The following FGF12 variants were observed in gnomAD, a reference collection of about 807,000 sequenced individuals.
FGF12 encodes the protein fibroblast growth factor 12B.
A neutral mutation model predicts 23.6 loss-of-function variants in FGF12; 14 were observed. The ratio of observed to expected loss-of-function variants is 0.59; its 90% CI spans 0.39 to 0.93. FGF12 has a LOEUF of 0.93. Ranked by LOEUF, FGF12 falls within the 40% of genes least tolerant of loss-of-function variation. The probability of loss-of-function intolerance (pLI) is 0.00; values close to 1 mark genes in which losing one functional copy is unlikely to be tolerated. For synonymous variants in FGF12, 62 were observed against 77.3 expected, an observed-to-expected ratio of 0.80 and a Z score of 1.04; for missense variants, 175 against 217.8, an observed-to-expected ratio of 0.80 and a Z score of 1.24.
chr3:192,532,458 T>A (rs1725115927), intron 2 of FGF12, among the ~76,000 whole-genome samples: 1 of 152,314 alleles, frequency 6.6e-6, no homozygotes, highest in African/African-American at 2.4e-5. Context: ...CTTGTAGAGA[T>A]CTTTCACCTA....
At chr3:192,177,548 C>T (rs968112972) in intron 4 of FGF12, among the ~76,000 whole-genome samples, 1 of 152,174 alleles carries the variant, frequency 6.6e-6, no homozygotes, top group African/African-American at 2.4e-5. Flanking sequence ...TTACACGATA[C>T]CATAACCATA....
intron 2 of FGF12, among the ~76,000 whole-genome samples, chr3:192,556,909 C>T (rs1056519333): frequency 6.6e-6 from 1 of 151,826 alleles, no homozygotes; most frequent in Non-Finnish European, 1.5e-5. Flanking sequence ...CTTAAAAATT[C>T]ACAAATATGT....
chr3:192,220,795 A>G (rs1718430092), intron 4 of FGF12, among the ~76,000 whole-genome samples: 1 of 152,206 alleles, frequency 6.6e-6, no homozygotes, highest in Admixed American at 6.5e-5. Flanking sequence ...GTTTTTTAAA[A>G]GTTTCTTTGA....
chr3:192,299,901 T>A (rs1715246155), intron 4 of FGF12, among the ~76,000 whole-genome samples: 1 of 152,176 alleles, frequency 6.6e-6, no homozygotes, highest in African/African-American at 2.4e-5. Flanking sequence ...ATACATTGAT[T>A]CTATTAGATA....
intron 4 of FGF12, among the ~76,000 whole-genome samples, chr3:192,192,328 A>G (rs1210472806): frequency 2.0e-5 from 3 of 151,610 alleles, no homozygotes; most frequent in Non-Finnish European, 4.4e-5. Flanking sequence ...ACAAAAATTT[A>G]TAAGTATTTT....
chr3:192,187,693 T>C (rs759810587), intron 4 of FGF12, among the ~76,000 whole-genome samples: 3 of 151,976 alleles, frequency 2.0e-5, no homozygotes, highest in Non-Finnish European at 4.4e-5. Flanking sequence ...CTGCTTTGGA[T>C]TGACCCTTGA....
At chr3:192,226,044 A>G (rs1054445191) in intron 4 of FGF12, among the ~76,000 whole-genome samples, 8 of 152,168 alleles carry the variant, frequency 5.3e-5, no homozygotes, top group African/African-American at 1.9e-4. Context: ...ATGAATGCAC[A>G]ACCTTCTGAA....
rs192518925 is a variant in FGF12 at position 192,332,046 on chromosome 3, T to C, written c.228+3315A>G. Among the ~76,000 whole-genome samples, 868 of 152,228 alleles carry C rather than the reference T, an allele frequency of 5.7e-3. 1 individual carries two copies. The highest frequency in any genetic ancestry group is 0.012 in the South Asian group (60 of 4,828). On this transcript the variant is annotated intron_variant, in intron 4 of 5. Transcript: ENST00000445105. ...GTGAAATCAGAGACCAAATTTGATA[T>C]ACACACACAAACAAAAGTTCTATGC...
chr3:192,550,512 T>C (rs1025709914), intron 2 of FGF12, among the ~76,000 whole-genome samples: 12 of 151,748 alleles, frequency 7.9e-5, no homozygotes, highest in Non-Finnish European at 1.2e-4. Context: ...GAACCATGGT[T>C]CTCTGAAGAA....
At chr3:192,577,011 A>G (rs1712927559) in intron 2 of FGF12, among the ~76,000 whole-genome samples, 1 of 152,156 alleles carries the variant, frequency 6.6e-6, no homozygotes, top group Non-Finnish European at 1.5e-5. Flanking sequence ...AACAATGAGA[A>G]CACCGGGACA....
At chr3:192,294,177 A>C (rs1375616197) in intron 4 of FGF12, among the ~76,000 whole-genome samples, 1 of 152,030 alleles carries the variant, frequency 6.6e-6, no homozygotes, top group Non-Finnish European at 1.5e-5. Context: ...CACCATGATC[A>C]TGAGGCCTCC....
At chr3:192,271,526 A>G (rs772816774) in intron 4 of FGF12, among the ~76,000 whole-genome samples, 6 of 152,154 alleles carry the variant, frequency 3.9e-5, no homozygotes, top group Non-Finnish European at 7.4e-5. Flanking sequence ...TCCAACCTAC[A>G]AAGCCTAACT....
chr3:192,438,099 C>T (rs1055593279), intron 2 of FGF12, among the ~76,000 whole-genome samples: 3 of 152,138 alleles, frequency 2.0e-5, no homozygotes, highest in Non-Finnish European at 2.9e-5. Flanking sequence ...TACAAGTTAC[C>T]AACCACATAG....
intron 2 of FGF12, among the ~76,000 whole-genome samples, chr3:192,625,090 T>G (rs1220415130): frequency 6.6e-6 from 1 of 152,116 alleles, no homozygotes; most frequent in African/African-American, 2.4e-5. Flanking sequence ...TAGTTAGTAC[T>G]TAGGTTGTGT....
At chr3:192,721,223 C>A (rs1381704605) in intron 2 of FGF12, among the ~76,000 whole-genome samples, 1 of 152,088 alleles carries the variant, frequency 6.6e-6, no homozygotes, top group Non-Finnish European at 1.5e-5. Context: ...AGAGATACAG[C>A]TAAAAATGAT....
intron 2 of FGF12, among the ~76,000 whole-genome samples, chr3:192,619,129 G>A (rs1226165933): frequency 6.6e-6 from 1 of 151,954 alleles, no homozygotes; most frequent in African/African-American, 2.4e-5. Flanking sequence ...TAGTAGTCCT[G>A]TTTTAAGTGG....
intron 2 of FGF12, among the ~76,000 whole-genome samples, chr3:192,722,893 T>C (rs568141257): frequency 5.3e-5 from 8 of 152,266 alleles, no homozygotes; most frequent in South Asian, 2.1e-4. Flanking sequence ...AATAAGCACA[T>C]TGGGTACATA....
chr3:192,583,234 T>A (rs954352928), intron 2 of FGF12, among the ~76,000 whole-genome samples: 5 of 152,208 alleles, frequency 3.3e-5, no homozygotes, highest in Non-Finnish European at 7.3e-5. Context: ...GGCTTCGTGC[T>A]CTCTTATATT....
intron 4 of FGF12, among the ~76,000 whole-genome samples, chr3:192,332,951 G>C (rs1387064035): frequency 6.6e-6 from 1 of 152,118 alleles, no homozygotes; most frequent in African/African-American, 2.4e-5. Flanking sequence ...TGTGATTCTA[G>C]ATGTGAGGCA....
Sources: gnomAD v4.1 joint callset for allele counts (sites outside exome capture counted in the v4.1 genomes callset) on GRCh38, gnomAD v4.1.1 for gene constraint, MANE v1.5 for transcripts, NCBI Gene and HGNC (gene_info 2026-07-23, HGNC 2026-07-21) for gene names.